PRELID2: variants seen among roughly 807,000 people sequenced by gnomAD.
PRELID2 encodes PRELI domain containing 2.
A neutral mutation model predicts 28.4 loss-of-function variants in PRELID2; 25 were observed. The observed-to-expected ratio is 0.88, with a 90% CI of 0.64 to 1.23. PRELID2 has a LOEUF of 1.23. Ranked by LOEUF, PRELID2 falls within the 50% of genes most tolerant of loss-of-function variation. The pLI is 0.00. For synonymous variants in PRELID2, 76 were observed against 71.6 expected (o/e 1.06, Z -0.31); for missense variants, 201 against 214.4 (o/e 0.94, Z 0.39).
chr5:145,599,565 T>TA (rs769514986), intron 1 of PRELID2, among the ~76,000 whole-genome samples: 2 of 152,164 alleles, frequency 1.3e-5, no homozygotes, highest in Non-Finnish European at 2.9e-5. Flanking sequence ...GTTTCTGTCT[T>TA]ACGCTCGAGA....
chr5:145,691,581 G>T (rs1755151132), intron 1 of PRELID2, among the ~76,000 whole-genome samples: 1 of 152,056 alleles, frequency 6.6e-6, no homozygotes, highest in Non-Finnish European at 1.5e-5. Flanking sequence ...TTCCAGGTGT[G>T]GTGGCACGTG....
intron 4 of PRELID2, among the ~76,000 whole-genome samples, chr5:145,797,261 T>C (rs959253235): frequency 5.7e-4 from 86 of 152,130 alleles, no homozygotes; most frequent in Admixed American, 5.4e-3. Flanking sequence ...ACAAACCAAA[T>C]TGCCTTTATG....
At chr5:145,363,908 A>T in the PRELID2 span, among the ~76,000 whole-genome samples, 1 of 152,026 alleles carries the variant, frequency 6.6e-6, no homozygotes, top group African/African-American at 2.4e-5. Context: ...TAGACTAGAA[A>T]CATTTAAACT....
chr5:145,770,609 C>T (rs1044272152), intron 5 of PRELID2, among the ~76,000 whole-genome samples: 1 of 152,010 alleles, frequency 6.6e-6, no homozygotes, highest in African/African-American at 2.4e-5. Flanking sequence ...TGTTACTGCC[C>T]CTGAAGACTT....
the PRELID2 span, among the ~76,000 whole-genome samples, chr5:145,328,589 A>G: frequency 6.6e-6 from 1 of 151,526 alleles, no homozygotes; most frequent in Admixed American, 6.6e-5. Context: ...TTCTTTTGAG[A>G]AGTGTCTGTT....
At chr5:145,376,771 C>A in the PRELID2 span, among the ~76,000 whole-genome samples, 1 of 151,866 alleles carries the variant, frequency 6.6e-6, no homozygotes, top group African/African-American at 2.4e-5. Context: ...TTATTTGAAT[C>A]TTCTCTTTTC....
chr5:145,820,122 T>TG, intron 2 of PRELID2, 104 bp from the exon 3 acceptor site: 1 of 126,788 alleles, frequency 7.9e-6, no homozygotes, highest in Non-Finnish European at 2.0e-5. Flanking sequence ...TTTTGTTTTT[T>TG]GTTTTTTTTT....
intron 1 of PRELID2, among the ~76,000 whole-genome samples, chr5:145,643,125 A>C (rs1754136682): frequency 6.6e-6 from 1 of 152,136 alleles, no homozygotes; most frequent in Admixed American, 6.5e-5. Context: ...CATTTTCATA[A>C]TGTTGATTCT....
chr5:145,778,514 GA>G (rs1758562310), intron 5 of PRELID2, among the ~76,000 whole-genome samples: 1 of 152,166 alleles, frequency 6.6e-6, no homozygotes, highest in African/African-American at 2.4e-5. Flanking sequence ...CCTGATCACA[GA>G]ACAAGAACTC....
At chr5:145,317,889 C>T in the PRELID2 span, among the ~76,000 whole-genome samples, 4 of 152,096 alleles carry the variant, frequency 2.6e-5, no homozygotes, top group African/African-American at 9.7e-5. Context: ...GATCCTAATA[C>T]AGAGATCATC....
the PRELID2 span, among the ~76,000 whole-genome samples, chr5:145,426,747 C>A: frequency 7.9e-5 from 12 of 152,282 alleles, no homozygotes; most frequent in African/African-American, 2.9e-4. Context: ...AGCTACTAAG[C>A]TGAGATGTGA....
chr5:145,505,739 G>A (rs1580961592), intron 1 of PRELID2, among the ~76,000 whole-genome samples: 1 of 152,074 alleles, frequency 6.6e-6, no homozygotes, highest in Non-Finnish European at 1.5e-5. Context: ...GCCAAGATGT[G>A]GAAAAGCATA....
At chr5:145,559,843 A>C (rs1752911671) in intron 1 of PRELID2, among the ~76,000 whole-genome samples, 1 of 151,982 alleles carries the variant, frequency 6.6e-6, no homozygotes, top group African/African-American at 2.4e-5. Flanking sequence ...AGGTAAAAAA[A>C]AAAAAAAAGA....
the PRELID2 span, among the ~76,000 whole-genome samples, chr5:145,251,333 C>T: frequency 1.3e-5 from 2 of 152,124 alleles, no homozygotes; most frequent in African/African-American, 4.8e-5. Context: ...ACAATAGCAT[C>T]ATACTGACCC....
intron 1 of PRELID2, among the ~76,000 whole-genome samples, chr5:145,561,463 G>A (rs1304909182): frequency 6.6e-6 from 1 of 152,098 alleles, no homozygotes; most frequent in Non-Finnish European, 1.5e-5. Context: ...AAAATGGAAG[G>A]AAATCCTGCT....
At chr5:145,774,186 C>T (rs1343941841) in intron 5 of PRELID2, among the ~76,000 whole-genome samples, 1 of 152,160 alleles carries the variant, frequency 6.6e-6, no homozygotes. Flanking sequence ...TCTCAATAGT[C>T]CCGTGAGGTA....
chr5:145,722,624 G>C (rs1410838009), intron 1 of PRELID2, among the ~76,000 whole-genome samples: 1 of 152,060 alleles, frequency 6.6e-6, no homozygotes, highest in African/African-American at 2.4e-5. Context: ...TCAGCCTCCT[G>C]AGTAGCTGGG....
At chr5:145,707,965 T>G (rs1244911718) in intron 1 of PRELID2, among the ~76,000 whole-genome samples, 3 of 152,126 alleles carry the variant, frequency 2.0e-5, no homozygotes, top group African/African-American at 7.2e-5. Context: ...TCTTTTCACC[T>G]CAAAAGATGC....
chr5:145,523,402 T>C (rs1050305516), intron 1 of PRELID2, among the ~76,000 whole-genome samples: 1 of 152,242 alleles, frequency 6.6e-6, no homozygotes, highest in South Asian at 2.1e-4. Flanking sequence ...TTTTTTGATC[T>C]TCTCATTTTA....
Sources: allele counts gnomAD v4.1 joint callset (sites outside exome capture counted in the v4.1 genomes callset), GRCh38; gene constraint gnomAD v4.1.1; transcripts MANE v1.5; gene names NCBI Gene and HGNC (gene_info 2026-07-23, HGNC 2026-07-21).